GDA: variants seen among roughly 807,000 people sequenced by gnomAD.
The protein encoded by GDA is guanine deaminase, also known as cytoplasmic PSD-95 interactor.
A neutral mutation model predicts 59.6 loss-of-function variants in GDA; 18 were observed. The ratio of observed to expected loss-of-function variants is 0.30; its 90% CI spans 0.21 to 0.45. The LOEUF is 0.45. Among genes scored for constraint, GDA ranks in the 20% least tolerant of loss-of-function variants. The probability of loss-of-function intolerance (pLI) is 1.00; values close to 1 mark genes in which losing one functional copy is unlikely to be tolerated. For synonymous variants in GDA, 201 were observed against 201.1 expected, an observed-to-expected ratio of 1.00 and a Z score of 0.00; for missense variants, 427 against 552.3, an observed-to-expected ratio of 0.77 and a Z score of 2.27.
At chr9:72,159,503 C>T (rs1828347226) in intron 1 of GDA, among the ~76,000 whole-genome samples, 1 of 151,924 alleles carries the variant, frequency 6.6e-6, no homozygotes, top group African/African-American at 2.4e-5. Flanking sequence ...CCCATTGATT[C>T]ATGAATTAAA....
chr9:72,257,357 T>A (rs1421148631), downstream of GDA: 1 of 152,092 alleles, frequency 6.6e-6, no homozygotes, highest in Admixed American at 6.5e-5. Context: ...TCACTGCAAA[T>A]CAAAGAGCCC....
At chr9:72,157,029 C>G (rs1354889790) in intron 1 of GDA, among the ~76,000 whole-genome samples, 3 of 139,832 alleles carry the variant, frequency 2.1e-5, no homozygotes, top group Admixed American at 1.4e-4. Flanking sequence ...TTCTAGACTT[C>G]CTTTTTTTTT....
At chr9:72,224,809 CTTTT>C (rs34656645) in intron 7 of GDA, among the ~76,000 whole-genome samples, 14 of 135,964 alleles carry the variant, frequency 1.0e-4, no homozygotes, top group East Asian at 2.1e-4. Flanking sequence ...TAGCCCAACC[CTTTT>C]TTTTTTTTTT....
downstream of GDA, among the ~76,000 whole-genome samples, chr9:72,254,062 G>T (rs1840832879): frequency 6.6e-6 from 1 of 152,146 alleles, no homozygotes; most frequent in African/African-American, 2.4e-5. Context: ...TACTGGAACA[G>T]AACTCACAGG....
At chr9:72,160,444 G>T (rs761582625) in intron 1 of GDA, among the ~76,000 whole-genome samples, 1 of 151,974 alleles carries the variant, frequency 6.6e-6, no homozygotes, top group Non-Finnish European at 1.5e-5. Context: ...CTATCCACTT[G>T]CCTATTCTGG....
At chr9:72,175,100 A>T (rs541600155) in intron 1 of GDA, among the ~76,000 whole-genome samples, 1 of 152,154 alleles carries the variant, frequency 6.6e-6, no homozygotes, top group South Asian at 2.1e-4. Flanking sequence ...CCAGGACCCT[A>T]TAGGACATAT....
intron 1 of GDA, among the ~76,000 whole-genome samples, chr9:72,170,033 A>G (rs1240683658): frequency 1.3e-5 from 2 of 152,224 alleles, no homozygotes; most frequent in African/African-American, 4.8e-5. Context: ...CAATGAAGAG[A>G]GACAACTTGT....
At chr9:72,116,451 C>T (rs113185444) in intron 1 of GDA, among the ~76,000 whole-genome samples, 17,000 of 145,680 alleles carry the variant, frequency 0.12, 2,066 homozygotes, top group African/African-American at 0.31. Context: ...GGCACAATCT[C>T]GGCTCACTGC....
intron 10 of GDA, among the ~76,000 whole-genome samples, chr9:72,240,224 A>G (rs1400935498): frequency 6.6e-6 from 1 of 152,226 alleles, no homozygotes; most frequent in Non-Finnish European, 1.5e-5. Context: ...CATTTATTAC[A>G]CTAATTTCCC....
intron 6 of GDA, among the ~76,000 whole-genome samples, 169 bp from the exon 7 acceptor site, chr9:72,222,951 A>G (rs1375759841): frequency 2.6e-5 from 4 of 151,948 alleles, no homozygotes; most frequent in Non-Finnish European, 4.4e-5. Flanking sequence ...CAGGTGATCC[A>G]CCTGCCTTGG....
Position 72,250,826 on chromosome 9 carries a change from G to GAATA in GDA, c.*2485_*2488dup. The GAATA allele has an allele frequency of 6.2e-7, 1 of 1,609,552 alleles. No individual in the cohort carries two copies. Among genetic ancestry groups the GAATA allele is most frequent in the Non-Finnish European group, 8.5e-7 (1 of 1,177,282 alleles). On this transcript the variant is annotated 3_prime_UTR_variant, in exon 14 of 14. Coordinates refer to ENST00000358399, the MANE Select transcript of GDA (RefSeq NM_004293.5). ...TTAATGTTCCATGGTATTTTCAACGGAATACACTTTGAAAGGTAAAAACAA... is the reference window on the plus strand; with the variant it reads ...TTAATGTTCCATGGTATTTTCAACGGAATAAATACACTTTGAAAGGTAAAAACAA...
At chr9:72,221,421 GT>G (rs2131562802) in intron 6 of GDA, among the ~76,000 whole-genome samples, 1 of 152,242 alleles carries the variant, frequency 6.6e-6, no homozygotes, top group African/African-American at 2.4e-5. Flanking sequence ...ACTTTGAGCT[GT>G]TTTCATGAAA....
chr9:72,121,658 A>G (rs1317729267), intron 1 of GDA, among the ~76,000 whole-genome samples: 1 of 152,172 alleles, frequency 6.6e-6, no homozygotes, highest in Non-Finnish European at 1.5e-5. Context: ...TTTGTCTCCA[A>G]AAAGCTCCCT....
At chr9:72,156,500 T>C (rs1051451905) in intron 1 of GDA, among the ~76,000 whole-genome samples, 1 of 152,218 alleles carries the variant, frequency 6.6e-6, no homozygotes, top group Non-Finnish European at 1.5e-5. Flanking sequence ...GGCTGCTGAA[T>C]AGGAGCTTGG....
chr9:72,191,450 A>G (rs1563998590), intron 1 of GDA, among the ~76,000 whole-genome samples: 1 of 151,938 alleles, frequency 6.6e-6, no homozygotes. Context: ...GCAAAAGTAC[A>G]GGGAGAAAGT....
chr9:72,241,405 G>T (rs1017557790), intron 11 of GDA, 107 bp downstream of exon 11: 1 of 779,612 alleles, frequency 1.3e-6, no homozygotes, highest in East Asian at 2.6e-5. Flanking sequence ...TCCAATATTT[G>T]TGATGATCAC....
chr9:72,247,489 T>C, intron 13 of GDA, 56 bp downstream of exon 13: 2 of 898,802 alleles, frequency 2.2e-6, no homozygotes, highest in East Asian at 4.8e-5. Flanking sequence ...CCCTGTCTTT[T>C]TCTTGGGTAT....
At chr9:72,128,082 T>C (rs1210726872) in intron 1 of GDA, among the ~76,000 whole-genome samples, 1 of 152,186 alleles carries the variant, frequency 6.6e-6, no homozygotes, top group Non-Finnish European at 1.5e-5. Context: ...TGTTGTTAGT[T>C]ATCCACGTCC....
At chr9:72,140,986 C>T (rs939285757) in intron 1 of GDA, among the ~76,000 whole-genome samples, 12 of 152,172 alleles carry the variant, frequency 7.9e-5, no homozygotes, top group African/African-American at 2.9e-4. Flanking sequence ...TACACATGCT[C>T]CAAATCCCAA....
Sources: allele counts gnomAD v4.1 joint callset (sites outside exome capture counted in the v4.1 genomes callset), GRCh38; gene constraint gnomAD v4.1.1; transcripts MANE v1.5; gene names NCBI Gene and HGNC (gene_info 2026-07-23, HGNC 2026-07-21).